CCDC50: variants seen among roughly 807,000 people sequenced by gnomAD.
CCDC50 encodes coiled-coil domain-containing protein 50.
A neutral mutation model predicts 70.2 loss-of-function variants in CCDC50; 54 were observed. The observed-to-expected ratio is 0.77, with a 90% CI of 0.62 to 0.96. CCDC50 has a LOEUF of 0.96. Ranked by LOEUF, CCDC50 falls within the 50% of genes least tolerant of loss-of-function variation. CCDC50 has a pLI of 0.00. For synonymous variants in CCDC50, 216 were observed against 198.8 expected (o/e 1.09, Z -0.73); for missense variants, 558 against 578.7 (o/e 0.96, Z 0.37).
chr3:191,389,367 G>A, intron 10 of CCDC50, 129 bp from the exon 11 acceptor site: 5 of 796,644 alleles, frequency 6.3e-6, no homozygotes, highest in East Asian at 2.4e-5. Flanking sequence ...AGGAACTACA[G>A]TGTGAATTCT....
chr3:191,357,141 G>A lies in CCDC50; in HGVS notation c.103G>A (p.Glu35Lys), dbSNP rs373312180. The change falls in exon 2 of 12, where the codon GAA becomes AAA. Residue 35 changes from glutamate to lysine, a missense_variant. By Grantham distance (56) the Glu-to-Lys change is moderately conservative. Transcript: ENST00000392455. ...EDHTLAHSLQ[E>K]QEIEHHLASN... ...CCACACCCTGGCTCACAGCCTGCAG[G>A]AACAAGAGAGTGAGTAATACCTCTC... is the stretch of plus-strand genomic sequence containing the variant. 1.1e-5 allele frequency: 18 copies of A among 1,613,406 alleles called. No individual in the cohort carries two copies. The highest frequency in any genetic ancestry group is 1.4e-5 in the Non-Finnish European group (17 of 1,179,514).
rs1406960360 is a variant in CCDC50 at position 191,351,313 on chromosome 3, C to T, written c.50-5775C>T. 1.1e-4 allele frequency among the ~76,000 whole-genome samples: 15 copies of T among 141,626 alleles called. 2 individuals carry two copies. Among genetic ancestry groups the T allele is most frequent in the African/African-American group, 3.5e-4 (14 of 39,558 alleles). 92.9% of individuals were successfully genotyped at this position (141,626 alleles called of 152,430 possible). On this transcript the variant is annotated intron_variant, in intron 1 of 11. Coordinates refer to ENST00000392455, the MANE Select transcript of CCDC50 (RefSeq NM_178335.3). ...GAATTTTTTAAAGGCTGTTTTAGGCCTCCAAATTTGATGTCATTTGGGCTG... is the reference window on the plus strand; with the variant it reads ...GAATTTTTTAAAGGCTGTTTTAGGCTTCCAAATTTGATGTCATTTGGGCTG...
chr3:191,333,877 AT>A (rs1370091955), intron 1 of CCDC50, among the ~76,000 whole-genome samples: 1 of 152,048 alleles, frequency 6.6e-6, no homozygotes, highest in Non-Finnish European at 1.5e-5. Flanking sequence ...TTTTTTTCTA[AT>A]TTTTTATAGG....
At chr3:191,350,530 G>A (rs1253877234) in intron 1 of CCDC50, among the ~76,000 whole-genome samples, 1 of 142,198 alleles carries the variant, frequency 7.0e-6, no homozygotes, top group Non-Finnish European at 1.6e-5. Context: ...TGTAATTTCC[G>A]AAAGTCTTAG....
At chr3:191,348,199 T>C (rs191314193) in intron 1 of CCDC50, among the ~76,000 whole-genome samples, 2 of 141,828 alleles carry the variant, frequency 1.4e-5, no homozygotes, top group Non-Finnish European at 3.2e-5. Context: ...GTGAATTTTC[T>C]AGATGGTAGA....
intron 1 of CCDC50, 72 bp downstream of exon 1, chr3:191,329,795 G>T (rs930051506): frequency 1.2e-5 from 19 of 1,524,158 alleles, no homozygotes; most frequent in Non-Finnish European, 1.6e-5. Flanking sequence ...GGTCAGGGGC[G>T]TTGCCATTTC....
At chr3:191,362,135 T>A (rs142685935) in intron 4 of CCDC50, among the ~76,000 whole-genome samples, 18 of 152,356 alleles carry the variant, frequency 1.2e-4, no homozygotes, top group South Asian at 2.1e-4. Flanking sequence ...GCCCTTTTTT[T>A]AAATTATTTT....
rs1396775412 is a variant in CCDC50 at position 191,391,882 on chromosome 3, G to A, written c.*122G>A. On this transcript the variant is annotated 3_prime_UTR_variant, in exon 12 of 12. Coordinates refer to ENST00000392455, the MANE Select transcript of CCDC50 (RefSeq NM_178335.3). The stretch of plus-strand genomic sequence containing the variant: ...GCATTCCTGGGATTTATCCTCAAGT[G>A]CATTTCTGACCATAAGTAATTTTAA... The A allele has an allele frequency of 4.9e-5, 42 of 854,430 alleles. No individual in the cohort carries two copies. The Admixed American group carries it at 9.4e-4, about 19-fold the overall frequency. 52.9% of individuals were successfully genotyped at this position (854,430 alleles called of 1,614,324 possible).
At chr3:191,357,026 C>T (rs962023342) in intron 1 of CCDC50, 62 bp from the exon 2 acceptor site, 3 of 1,052,016 alleles carry the variant, frequency 2.9e-6, no homozygotes, top group South Asian at 1.3e-5. Flanking sequence ...AAAATCCTTT[C>T]CTTTGTATGT....
rs758366312 is a variant in CCDC50, at chr3:191,353,473, C to T, written c.50-3615C>T. On this transcript the variant is annotated intron_variant, in intron 1 of 11. Coordinates refer to ENST00000392455, the MANE Select transcript of CCDC50 (RefSeq NM_178335.3). ...GAAAGGTGGGAAGATGAGTGTATGC[C>T]GTTTATCCTCAGTAGGCTGTTTATG... 1.6e-4 allele frequency among the ~76,000 whole-genome samples: 23 copies of T among 140,794 alleles called. 6 individuals carry two copies. The highest frequency in any genetic ancestry group is 3.5e-4 in the Non-Finnish European group (22 of 62,496). 92.4% of individuals were successfully genotyped at this position (140,794 alleles called of 152,430 possible).
chr3:191,375,650 AT>A (rs1713087643), intron 6 of CCDC50, 61 bp downstream of exon 6: 4 of 1,537,262 alleles, frequency 2.6e-6, no homozygotes, highest in Non-Finnish European at 3.5e-6. Context: ...AAACCAATGA[AT>A]TTAATAAGTA....
intron 9 of CCDC50, among the ~76,000 whole-genome samples, chr3:191,381,858 A>G (rs407226): frequency 0.58 from 87,768 of 151,910 alleles, 27,035 homozygotes; most frequent in African/African-American, 0.81. Context: ...CCCACCTCAC[A>G]GTCTCAGTAA....
chr3:191,382,852 G>T (rs1713368072), intron 10 of CCDC50, 27 bp downstream of exon 10: 1 of 1,537,864 alleles, frequency 6.5e-7, no homozygotes, highest in Non-Finnish European at 9.0e-7. Flanking sequence ...AAAGAAAAAT[G>T]AGGAAGTTGA....
intron 4 of CCDC50, among the ~76,000 whole-genome samples, chr3:191,367,986 A>G (rs1712756660): frequency 6.6e-6 from 1 of 151,934 alleles, no homozygotes; most frequent in Non-Finnish European, 1.5e-5. Flanking sequence ...AGAATCTGGC[A>G]CAGGGATTGG....
chr3:191,358,235 G>C, intron 3 of CCDC50, 111 bp downstream of exon 3: 1 of 1,347,466 alleles, frequency 7.4e-7, no homozygotes, highest in South Asian at 1.3e-5. Context: ...TCCTTCTACT[G>C]TTAGATTACA....
At position 191,381,655 on chromosome 3, in the gene CCDC50, G is replaced by A. The variant is rs962044818; in HGVS notation, c.1242+723G>A. Among the ~76,000 whole-genome samples the A allele has an allele frequency of 2.6e-4, 39 of 152,258 alleles. 1 individual carries two copies. Among genetic ancestry groups the A allele is most frequent in the Admixed American group, 2.4e-3 (36 of 15,272 alleles). On this transcript the variant is annotated intron_variant, in intron 9 of 11. Transcript: ENST00000392455. ...TATAATGTAGAGAGGAAGACAAAGT[G>A]TAGACAGCTAACAAATAGAAGGTTA...
intron 3 of CCDC50, among the ~76,000 whole-genome samples, chr3:191,360,649 G>T (rs1207889486): frequency 1.3e-5 from 2 of 152,102 alleles, no homozygotes; most frequent in Non-Finnish European, 2.9e-5. Flanking sequence ...TATGATATTA[G>T]ACCTGTAATG....
At chr3:191,336,704 A>T (rs1576946942) in intron 1 of CCDC50, among the ~76,000 whole-genome samples, 1 of 152,222 alleles carries the variant, frequency 6.6e-6, no homozygotes, top group Admixed American at 6.5e-5. Flanking sequence ...AGGAATCTGT[A>T]GTTTTTATAT....
At chr3:191,371,916 G>C (rs750161700) in intron 5 of CCDC50, among the ~76,000 whole-genome samples, 1 of 152,152 alleles carries the variant, frequency 6.6e-6, no homozygotes, top group Non-Finnish European at 1.5e-5. Context: ...ATGTGGCCTG[G>C]TGTTTTTCCC....
Sources: gnomAD v4.1 joint callset for allele counts (sites outside exome capture counted in the v4.1 genomes callset) on GRCh38, gnomAD v4.1.1 for gene constraint, MANE v1.5 for transcripts, NCBI Gene and HGNC (gene_info 2026-07-23, HGNC 2026-07-21) for gene names.